Variants in CNTN4 observed in about 807,000 individuals in gnomAD.
CNTN4 encodes the protein contactin 4.
Under a neutral mutation model 122.5 loss-of-function variants are expected in CNTN4, and 77 were observed. That is an observed-to-expected ratio of 0.63 (90% confidence interval 0.52 to 0.76). The LOEUF (loss-of-function observed/expected upper bound fraction) is 0.76. Among genes scored for constraint, CNTN4 ranks in the 30% least tolerant of loss-of-function variants. The pLI is 0.00. For synonymous variants in CNTN4, 512 were observed against 447.0 expected (o/e 1.15, Z -1.83); for missense variants, 1,256 against 1,259.1 (o/e 1.00, Z 0.04).
intron 3 of CNTN4, among the ~76,000 whole-genome samples, chr3:2,524,089 T>C (rs1246551473): frequency 1.3e-5 from 2 of 152,050 alleles, no homozygotes; most frequent in African/African-American, 4.8e-5. Context: ...ATCAGCATTA[T>C]CAATTTTAGA....
chr3:3,031,593 G>A (rs897310939), intron 16 of CNTN4, among the ~76,000 whole-genome samples: 5 of 145,762 alleles, frequency 3.4e-5, no homozygotes, highest in African/African-American at 1.0e-4. Context: ...TGACCCCCCC[G>A]GCTGAGCAAC....
At chr3:2,233,616 C>T (rs1174525339) in intron 2 of CNTN4, among the ~76,000 whole-genome samples, 3 of 151,966 alleles carry the variant, frequency 2.0e-5, no homozygotes, top group Non-Finnish European at 2.9e-5. Context: ...ATCTTCAGAC[C>T]GTTTTCTTGG....
At chr3:2,439,634 G>A (rs2048365005) in intron 3 of CNTN4, among the ~76,000 whole-genome samples, 1 of 152,096 alleles carries the variant, frequency 6.6e-6, no homozygotes, top group Non-Finnish European at 1.5e-5. Context: ...ATGTGTGTGT[G>A]TGCGCGCGTG....
At chr3:2,531,855 A>G (rs2077608997) in intron 3 of CNTN4, among the ~76,000 whole-genome samples, 1 of 152,180 alleles carries the variant, frequency 6.6e-6, no homozygotes, top group Non-Finnish European at 1.5e-5. Context: ...ATAAGAACTT[A>G]TGTGATGTCC....
chr3:2,556,460 C>T (rs9841683), intron 3 of CNTN4, among the ~76,000 whole-genome samples: 1 of 152,054 alleles, frequency 6.6e-6, no homozygotes, highest in Non-Finnish European at 1.5e-5. Flanking sequence ...ATGAAACATG[C>T]ACACCTTATC....
intron 13 of CNTN4, among the ~76,000 whole-genome samples, chr3:2,980,652 C>T (rs1021899935): frequency 1.3e-5 from 2 of 152,104 alleles, no homozygotes; most frequent in Non-Finnish European, 2.9e-5. Context: ...ATTAAGGACA[C>T]GGGCACACAC....
chr3:2,187,460 C>T (rs749967064), intron 2 of CNTN4, among the ~76,000 whole-genome samples: 1 of 152,090 alleles, frequency 6.6e-6, no homozygotes, highest in African/African-American at 2.4e-5. Flanking sequence ...AATTTCACCT[C>T]ATAGCTCTGC....
chr3:2,736,283 G>A lies in CNTN4; in HGVS notation c.124G>A (p.Glu42Lys). 1 of 1,613,608 alleles carries A rather than the reference G, an allele frequency of 6.2e-7. No homozygotes were observed. Among genetic ancestry groups the A allele is most frequent in the South Asian group, 1.1e-5 (1 of 91,066 alleles). Residue 42 changes from glutamate (E) to lysine (K), a missense_variant, in exon 5 of 25, where the codon GAG becomes AAG. Physicochemically the swap from Glu to Lys is moderately conservative, Grantham distance 56. Coordinates refer to ENST00000418658, the MANE Select transcript of CNTN4 (RefSeq NM_175607.3). The part of the protein sequence containing the change: ...PSPVMFPLDS[E>K]EKKVKLNCEV... ...TCCTGTAATGTTCCCTTTGGATTCT[G>A]AGGAGAAAAAAGTGAAGCTCAATTG...
intron 3 of CNTN4, among the ~76,000 whole-genome samples, chr3:2,537,730 CT>C (rs1011542938): frequency 6.6e-6 from 1 of 152,016 alleles, no homozygotes; most frequent in Admixed American, 6.6e-5. Context: ...GAAAGATGAA[CT>C]AAAAAATCGC....
chr3:2,123,784 C>T (rs1226875909), intron 2 of CNTN4, among the ~76,000 whole-genome samples: 2 of 152,188 alleles, frequency 1.3e-5, no homozygotes, highest in Admixed American at 1.3e-4. Flanking sequence ...TCCTGCACCA[C>T]TTAACTGATC....
chr3:2,101,927 C>T (rs2031999190), intron 2 of CNTN4, among the ~76,000 whole-genome samples: 1 of 152,152 alleles, frequency 6.6e-6, no homozygotes, highest in Admixed American at 6.5e-5. Flanking sequence ...TATCTCTGCT[C>T]TGCTGTTCAT....
At chr3:2,207,339 A>AG (rs2038406488) in intron 2 of CNTN4, among the ~76,000 whole-genome samples, 1 of 152,150 alleles carries the variant, frequency 6.6e-6, no homozygotes, top group Admixed American at 6.6e-5. Context: ...AAGCTTAGTG[A>AG]GGAAGGCATG....
Position 3,027,967 on chromosome 3 carries a change from C to T in CNTN4, c.1662+1690C>T, listed in dbSNP as rs559452705. On this transcript the variant is annotated intron_variant, in intron 15 of 24. Transcript: ENST00000418658. ...AACTAGTGCTAACACCAATCAACTT[C>T]TGCTGAGAAATACATAGAAAATTAA... is the stretch of plus-strand genomic sequence containing the variant. 2.1e-4 allele frequency among the ~76,000 whole-genome samples: 32 copies of T among 152,302 alleles called. No homozygotes were observed. In the East Asian group the frequency reaches 5.2e-3, roughly 25 times the overall value.
intron 3 of CNTN4, among the ~76,000 whole-genome samples, chr3:2,548,707 G>T (rs2078351892): frequency 6.6e-6 from 1 of 151,962 alleles, no homozygotes; most frequent in Non-Finnish European, 1.5e-5. Flanking sequence ...TTCTAATTTT[G>T]TGAAGAAAGT....
intron 13 of CNTN4, among the ~76,000 whole-genome samples, chr3:2,931,014 T>G (rs187795951): frequency 1.6e-4 from 24 of 152,318 alleles, no homozygotes; most frequent in South Asian, 6.2e-4. Context: ...TAGACTTGAA[T>G]CAGAAGACCA....
At chr3:2,747,652 A>G (rs2089868784) in intron 6 of CNTN4, among the ~76,000 whole-genome samples, 1 of 151,988 alleles carries the variant, frequency 6.6e-6, no homozygotes. Context: ...AAGCTCTACC[A>G]CTCAGTTCGT....
chr3:2,368,612 G>T lies in CNTN4; in HGVS notation c.-89+29379G>T, dbSNP rs184581531. 1.4e-4 allele frequency among the ~76,000 whole-genome samples: 21 copies of T among 152,086 alleles called. No homozygotes were observed. In the East Asian group the frequency reaches 4.1e-3, roughly 29 times the overall value. On this transcript the variant is annotated intron_variant, in intron 3 of 24. Coordinates refer to ENST00000418658, the MANE Select transcript of CNTN4 (RefSeq NM_175607.3). ...CTCAGATCTGTGAATACCTATTAGG[G>T]ATGGTATTTGAGATAAAAATATGAA...
intron 3 of CNTN4, among the ~76,000 whole-genome samples, chr3:2,525,224 GT>G (rs1332780943): frequency 2.6e-5 from 4 of 152,100 alleles, no homozygotes; most frequent in East Asian, 3.9e-4. Flanking sequence ...TGTGTTTGAT[GT>G]TTTGCAAGTA....
chr3:2,468,598 A>G (rs1352503329), intron 3 of CNTN4, among the ~76,000 whole-genome samples: 2 of 152,158 alleles, frequency 1.3e-5, no homozygotes, highest in Non-Finnish European at 2.9e-5. Context: ...CTTAAATAAT[A>G]TTTTATGCTA....
Sources: gnomAD v4.1 joint callset for allele counts (sites outside exome capture counted in the v4.1 genomes callset) on GRCh38, gnomAD v4.1.1 for gene constraint, MANE v1.5 for transcripts, NCBI Gene and HGNC (gene_info 2026-07-23, HGNC 2026-07-21) for gene names.